ADAM32: variants seen among roughly 807,000 people sequenced by gnomAD.
ADAM32 encodes ADAM metallopeptidase domain 32.
ADAM32 carries 89 observed loss-of-function variants against 114.9 expected under a neutral mutation model. The observed-to-expected ratio is 0.77, with a 90% CI of 0.65 to 0.92. The LOEUF is 0.92. Ranked by LOEUF, ADAM32 falls within the 40% of genes least tolerant of loss-of-function variation. ADAM32 has a pLI of 0.00. For synonymous variants in ADAM32, 285 were observed against 307.5 expected (o/e 0.93, Z 0.77); for missense variants, 870 against 932.8 (o/e 0.93, Z 0.88).
intron 10 of ADAM32, among the ~76,000 whole-genome samples, chr8:39,181,431 A>G (rs981866723): frequency 2.0e-5 from 3 of 152,154 alleles, no homozygotes; most frequent in Non-Finnish European, 2.9e-5. Context: ...GTCAGAAGGA[A>G]CAAACTCCAG....
At chr8:39,274,671 A>G (rs1438796605) in intron 21 of ADAM32, among the ~76,000 whole-genome samples, 1 of 152,236 alleles carries the variant, frequency 6.6e-6, no homozygotes, top group Non-Finnish European at 1.5e-5. Context: ...AGAGAGAGCC[A>G]TGTGCTTCAT....
chr8:39,233,552 A>G (rs1432437776), intron 15 of ADAM32, among the ~76,000 whole-genome samples: 1 of 152,148 alleles, frequency 6.6e-6, no homozygotes, highest in East Asian at 1.9e-4. Flanking sequence ...TTATCAGCTT[A>G]TGACCTGTAT....
At chr8:39,168,573 T>G (rs1311149648) in intron 9 of ADAM32, 2 of 152,220 alleles carry the variant, frequency 1.3e-5, no homozygotes, top group Non-Finnish European at 2.9e-5. Flanking sequence ...ATGAAAACTT[T>G]TACATTTCAT....
intron 11 of ADAM32, among the ~76,000 whole-genome samples, chr8:39,205,311 C>T (rs1807746872): frequency 6.6e-6 from 1 of 152,236 alleles, no homozygotes; most frequent in African/African-American, 2.4e-5. Flanking sequence ...TTTACCTACT[C>T]AAGCCTCGGC....
chr8:39,235,343 A>G (rs1201404451), intron 16 of ADAM32, among the ~76,000 whole-genome samples: 1 of 152,154 alleles, frequency 6.6e-6, no homozygotes, highest in Non-Finnish European at 1.5e-5. Flanking sequence ...GTATATTTCA[A>G]TAGCCACTTT....
At chr8:39,154,071 GGGTACATGTGCAGAACGTGCAGGT>G in intron 6 of ADAM32, among the ~76,000 whole-genome samples, 1 of 128,834 alleles carries the variant, frequency 7.8e-6, no homozygotes, top group East Asian at 2.3e-4. Context: ...TTAAGTTCTG[GGGTACATGTGCAGAACGTGCAGGT>G]TTGTTACATA....
intron 16 of ADAM32, among the ~76,000 whole-genome samples, chr8:39,236,058 T>C (rs1810117482): frequency 1.3e-5 from 2 of 152,138 alleles, no homozygotes; most frequent in African/African-American, 2.4e-5. Flanking sequence ...CTTAAGGAAA[T>C]TGAGATTGCC....
intron 17 of ADAM32, among the ~76,000 whole-genome samples, chr8:39,253,371 AG>A (rs1378513507): frequency 4.6e-5 from 7 of 151,708 alleles, no homozygotes; most frequent in Non-Finnish European, 1.0e-4. Context: ...TAACAATGCA[AG>A]GATACTCAGT....
At chr8:39,243,064 C>T (rs1438918411) in intron 16 of ADAM32, among the ~76,000 whole-genome samples, 1 of 151,944 alleles carries the variant, frequency 6.6e-6, no homozygotes, top group East Asian at 1.9e-4. Flanking sequence ...AAATATACAA[C>T]CCTCCTAAAT....
chr8:39,185,229 C>A (rs532997771), intron 10 of ADAM32, among the ~76,000 whole-genome samples: 1 of 148,778 alleles, frequency 6.7e-6, no homozygotes, highest in Non-Finnish European at 1.5e-5. Flanking sequence ...CATGCCATTG[C>A]ACTCCAACCT....
Position 39,147,650 on chromosome 8 carries a change from C to T in ADAM32, c.276+445C>T, listed in dbSNP as rs946708233. On this transcript the variant is annotated intron_variant, in intron 4 of 24. Coordinates refer to ENST00000379907, the MANE Select transcript of ADAM32 (RefSeq NM_145004.7). Reference sequence around the variant, plus strand: ...AGCATCCACCTTCTTCCTCTGCCTTCACCCACTGAGACCACCCATTTCCAA... The same window carrying T: ...AGCATCCACCTTCTTCCTCTGCCTTTACCCACTGAGACCACCCATTTCCAA... Among the ~76,000 whole-genome samples, 8 of 152,096 alleles carry T rather than the reference C, an allele frequency of 5.3e-5. No individual in the cohort carries two copies. The East Asian group carries it at 1.5e-3, about 29-fold the overall frequency.
chr8:39,265,834 G>A (rs1812315664), intron 19 of ADAM32, among the ~76,000 whole-genome samples: 1 of 152,166 alleles, frequency 6.6e-6, no homozygotes. Flanking sequence ...TTTCCCTTAA[G>A]GACCTGTTAT....
chr8:39,217,916 G>C (rs1808699468), intron 12 of ADAM32, among the ~76,000 whole-genome samples: 1 of 152,138 alleles, frequency 6.6e-6, no homozygotes, highest in African/African-American at 2.4e-5. Flanking sequence ...GGATGGTCTT[G>C]ATGCTTGTGG....
chr8:39,144,820 CA>C (rs1803401402), intron 3 of ADAM32, among the ~76,000 whole-genome samples: 1 of 152,140 alleles, frequency 6.6e-6, no homozygotes, highest in Non-Finnish European at 1.5e-5. Flanking sequence ...AGCAATTAGG[CA>C]AGAACAATGA....
At chr8:39,192,794 G>T (rs1232621117) in intron 11 of ADAM32, among the ~76,000 whole-genome samples, 1 of 152,136 alleles carries the variant, frequency 6.6e-6, no homozygotes, top group Non-Finnish European at 1.5e-5. Flanking sequence ...GGCCAAATAT[G>T]AAATTCTTGG....
rs199914358 is a variant in ADAM32, at chr8:39,246,096, G to A, written c.1832G>A (p.Arg611His). The change falls in exon 17 of 25, where the codon CGT (arginine) becomes CAT (histidine). Residue 611 changes from arginine (R) to histidine (H), a missense_variant. Transcript: ENST00000379907. ...GTTTTTCTTTAGGTTTGTGTAAATC[G>A]TGAATGTGTAGAATCAAGGATAATT... The part of the protein sequence containing the change: ...QCDIGRVCVN[R>H]ECVESRIIKA... The A allele has an allele frequency of 1.5e-4, 244 of 1,613,336 alleles. No individual in the cohort carries two copies. Among genetic ancestry groups the A allele is most frequent in the Non-Finnish European group, 2.0e-4 (234 of 1,179,524 alleles).
intron 12 of ADAM32, chr8:39,220,886 A>G (rs191108937): frequency 5.5e-4 from 83 of 150,720 alleles, no homozygotes; most frequent in African/African-American, 1.3e-3. Context: ...TATGTATTCT[A>G]TAGCTGTTTG....
At chr8:39,213,722 T>G (rs1323222479) in intron 12 of ADAM32, among the ~76,000 whole-genome samples, 1 of 152,148 alleles carries the variant, frequency 6.6e-6, no homozygotes, top group Non-Finnish European at 1.5e-5. Flanking sequence ...AACTAGATTA[T>G]TTTTGACTGC....
In ADAM32 at chr8:39,217,038, G is replaced by T. The variant is rs10086458; in HGVS notation, c.1234-4572G>T. On this transcript the variant is annotated intron_variant, in intron 12 of 24. Transcript: ENST00000379907. ...GTACATTTCTTGCAGGACAGGTCTG[G>T]TGTTGATGAAATCCCTCAGCTTTTG... Among the ~76,000 whole-genome samples the T allele has an allele frequency of 6.2e-3, 948 of 151,844 alleles. 6 individuals carry two copies. Among genetic ancestry groups the T allele is most frequent in the African/African-American group, 0.021 (887 of 41,466 alleles).
Sources: allele counts gnomAD v4.1 joint callset (sites outside exome capture counted in the v4.1 genomes callset), GRCh38; gene constraint gnomAD v4.1.1; transcripts MANE v1.5; gene names NCBI Gene and HGNC (gene_info 2026-07-23, HGNC 2026-07-21).